Variants in SLC44A5 observed in about 807,000 individuals in gnomAD.
The protein encoded by SLC44A5 is choline transporter-like protein 5.
In SLC44A5, 57 loss-of-function variants were observed where a neutral mutation model predicts 101.8. That is an observed-to-expected ratio of 0.56 (90% confidence interval 0.45 to 0.70). The LOEUF (loss-of-function observed/expected upper bound fraction) is 0.70. Ranked by LOEUF, SLC44A5 falls within the 30% of genes least tolerant of loss-of-function variation. The pLI, the probability that SLC44A5 is intolerant of heterozygous loss-of-function variation, is 0.00. For missense variants in SLC44A5, 737 were observed against 853.1 expected (o/e 0.86, Z 1.70); for synonymous variants, 281 against 290.9 (o/e 0.97, Z 0.35).
the SLC44A5 span, among the ~76,000 whole-genome samples, chr1:75,660,186 C>A: frequency 6.6e-6 from 1 of 151,954 alleles, no homozygotes; most frequent in Middle Eastern, 3.4e-3. Context: ...CTAGCCTGGG[C>A]AACAGAGCAA....
At chr1:75,544,547 C>A (rs1353633805) in intron 1 of SLC44A5, among the ~76,000 whole-genome samples, 1 of 152,100 alleles carries the variant, frequency 6.6e-6, no homozygotes. Flanking sequence ...TTTTGCTGAA[C>A]CATTTAAGAG....
intron 1 of SLC44A5, among the ~76,000 whole-genome samples, chr1:75,572,276 T>C (rs534500973): frequency 6.6e-6 from 1 of 152,270 alleles, no homozygotes; most frequent in South Asian, 2.1e-4. Context: ...ACCCAGTGGA[T>C]ATAGCATTCC....
intron 4 of SLC44A5, among the ~76,000 whole-genome samples, chr1:75,328,329 G>T (rs1196654553): frequency 2.0e-5 from 3 of 152,146 alleles, no homozygotes; most frequent in Non-Finnish European, 4.4e-5. Context: ...TCTGACACAG[G>T]TATGTTGGTC....
chr1:75,351,830 G>A (rs1173726167), intron 3 of SLC44A5, among the ~76,000 whole-genome samples: 1 of 3,800 alleles, frequency 2.6e-4, no homozygotes, highest in African/African-American at 1.6e-3. Context: ...TCATCATAAT[G>A]AATAACACAC....
rs139636917 is a variant in SLC44A5, at chr1:75,355,009, C to T, written c.53-15379G>A. Among the ~76,000 whole-genome samples, 669 of 152,216 alleles carry T rather than the reference C, an allele frequency of 4.4e-3. 5 individuals carry two copies. The highest frequency in any genetic ancestry group is 7.0e-3 in the Non-Finnish European group (473 of 68,016). ...TATGTCATAATGTATATCTGTTTCT[C>T]GATGTCCACTTTCCCACCACTGTGT... On this transcript the variant is annotated intron_variant, in intron 3 of 23. Coordinates refer to ENST00000370859, the MANE Select transcript of SLC44A5 (RefSeq NM_001130058.2).
At chr1:75,268,238 T>C (rs946233267) in intron 6 of SLC44A5, among the ~76,000 whole-genome samples, 9 of 152,278 alleles carry the variant, frequency 5.9e-5, no homozygotes, top group Middle Eastern at 3.4e-3. Context: ...CTGGCTTGAG[T>C]GCTCTTCCCA....
chr1:75,698,975 C>T, the SLC44A5 span, among the ~76,000 whole-genome samples: 1 of 152,260 alleles, frequency 6.6e-6, no homozygotes, highest in Non-Finnish European at 1.5e-5. Context: ...AAGAAAGGAA[C>T]AAAGCCTCCA....
chr1:75,336,512 C>T (rs1205696516), intron 4 of SLC44A5, among the ~76,000 whole-genome samples: 1 of 152,162 alleles, frequency 6.6e-6, no homozygotes, highest in East Asian at 1.9e-4. Flanking sequence ...TTTAAAATTG[C>T]ATCCTTTTTT....
At chr1:75,398,615 A>C (rs1313252503) in intron 2 of SLC44A5, among the ~76,000 whole-genome samples, 1 of 152,186 alleles carries the variant, frequency 6.6e-6, no homozygotes, top group African/African-American at 2.4e-5. Flanking sequence ...AAAGCAAACA[A>C]AGAAAGCAGG....
At chr1:75,467,198 T>C (rs140164644) in intron 2 of SLC44A5, among the ~76,000 whole-genome samples, 1 of 151,872 alleles carries the variant, frequency 6.6e-6, no homozygotes, top group African/African-American at 2.4e-5. Flanking sequence ...AAGAAATAGA[T>C]AAATATTCCA....
At chr1:75,685,590 A>T in the SLC44A5 span, among the ~76,000 whole-genome samples, 1 of 152,162 alleles carries the variant, frequency 6.6e-6, no homozygotes, top group Admixed American at 6.5e-5. Context: ...TATCACTGTC[A>T]GCATCTTGGT....
At position 75,376,764 on chromosome 1, in the gene SLC44A5, G is replaced by A. The variant is rs533550726; in HGVS notation, c.52+19819C>T. On this transcript the variant is annotated intron_variant, in intron 3 of 23. Coordinates refer to ENST00000370859, the MANE Select transcript of SLC44A5 (RefSeq NM_001130058.2). ...GCAGAAAAACTGGAAACTCTAAAAA[G>A]CAGAGCGCCTCTCCTCCAAAGGAAC... 9.0e-3 allele frequency among the ~76,000 whole-genome samples: 1,366 copies of A among 152,310 alleles called. 17 individuals are homozygous for A. The highest frequency in any genetic ancestry group is 0.014 in the Non-Finnish European group (953 of 68,022).
chr1:75,305,737 C>G (rs1654848519), intron 4 of SLC44A5, among the ~76,000 whole-genome samples: 1 of 152,200 alleles, frequency 6.6e-6, no homozygotes, highest in Admixed American at 6.5e-5. Flanking sequence ...CTAGAATAAC[C>G]GTTAACAATG....
In SLC44A5 at chr1:75,339,571, T is replaced by C. The variant is rs1657708660; in HGVS notation, c.101+11A>G. On this transcript the variant is annotated intron_variant, in intron 4 of 23. Coordinates refer to ENST00000370859, the MANE Select transcript of SLC44A5 (RefSeq NM_001130058.2). ...TTAAAAAAGCATATTCCCCAAAAAA[T>C]AATTGCTTACCTGTTGGCAACAGGC... The C allele has an allele frequency of 6.3e-7, 1 of 1,595,540 alleles. No homozygotes were observed. The highest frequency in any genetic ancestry group is 1.1e-5 in the South Asian group (1 of 87,526).
intron 2 of SLC44A5, among the ~76,000 whole-genome samples, chr1:75,448,597 T>C (rs1665720735): frequency 6.6e-6 from 1 of 152,148 alleles, no homozygotes; most frequent in Non-Finnish European, 1.5e-5. Context: ...GTAAATCTAT[T>C]TGCCTCCTAG....
At chr1:75,281,075 C>G (rs1054565083) in intron 5 of SLC44A5, among the ~76,000 whole-genome samples, 1 of 151,940 alleles carries the variant, frequency 6.6e-6, no homozygotes, top group African/African-American at 2.4e-5. Context: ...AAATGTGGGA[C>G]AGTTTGGAAC....
At chr1:75,683,499 C>T in the SLC44A5 span, among the ~76,000 whole-genome samples, 1 of 151,836 alleles carries the variant, frequency 6.6e-6, no homozygotes, top group South Asian at 2.1e-4. Context: ...AGTAAACTAT[C>T]ACAAGAACAA....
At chr1:75,627,478 G>A in the SLC44A5 span, among the ~76,000 whole-genome samples, 4 of 152,122 alleles carry the variant, frequency 2.6e-5, no homozygotes, top group Admixed American at 6.6e-5. Flanking sequence ...AGGAGTTCAA[G>A]ACCCAGCCTA....
At chr1:75,699,681 C>A in the SLC44A5 span, among the ~76,000 whole-genome samples, 1 of 150,968 alleles carries the variant, frequency 6.6e-6, no homozygotes, top group African/African-American at 2.4e-5. Flanking sequence ...TGTAAATGAG[C>A]TAAATGCTCC....
Sources: allele counts gnomAD v4.1 joint callset (sites outside exome capture counted in the v4.1 genomes callset), GRCh38; gene constraint gnomAD v4.1.1; transcripts MANE v1.5; gene names NCBI Gene and HGNC (gene_info 2026-07-23, HGNC 2026-07-21).